PPFIA4: variants seen among roughly 807,000 people sequenced by gnomAD.
PPFIA4 encodes PPFI scaffold protein A4, also known as liprin-alpha-4.
Under a neutral mutation model 145.7 loss-of-function variants are expected in PPFIA4, and 98 were observed. That is an observed-to-expected ratio of 0.67 (90% CI 0.57 to 0.80). The LOEUF is 0.80. Among genes scored for constraint, PPFIA4 ranks in the 30% least tolerant of loss-of-function variants. The pLI is 0.00. For missense variants in PPFIA4, 1,457 were observed against 1,632.7 expected, an observed-to-expected ratio of 0.89 and a Z score of 1.85; for synonymous variants, 628 against 649.6, an observed-to-expected ratio of 0.97 and a Z score of 0.51.
In PPFIA4 at chr1:203,044,718, C is replaced by G; in HGVS notation, c.599C>G (p.Ala200Gly). Residue 200 changes from alanine (A) to glycine (G), a missense_variant, in exon 6 of 30, where the codon GCA becomes GGA. Physicochemically the swap from Ala to Gly is moderately conservative, Grantham distance 60. Around this residue, in one of 3 missense-constraint regions of PPFIA4, gnomAD observed 463 missense variants for 459.8 expected, o/e 1.01. Transcript: ENST00000295706. ...CAGGTGTCTGCCCTGCAGCAGGGGG[C>G]AGGGGTGCGGGATGGAGCGGCAGAA... ...HQQVSALQQG[A>G]GVRDGAAEEE... is the part of the protein sequence containing the mutation. The G allele has an allele frequency of 6.4e-7, 1 of 1,560,260 alleles. No homozygotes were observed. Among genetic ancestry groups the G allele is most frequent in the Non-Finnish European group, 8.7e-7 (1 of 1,152,380 alleles).
chr1:203,037,349 G>A (rs115591366), intron 1 of PPFIA4: 1,873 of 160,430 alleles, frequency 0.012, 32 homozygotes, highest in African/African-American at 0.043. Flanking sequence ...TTCTCACCCC[G>A]AGGGTAGACA....
At chr1:203,074,212 T>C (rs1662366065) in intron 28 of PPFIA4, among the ~76,000 whole-genome samples, 1 of 152,178 alleles carries the variant, frequency 6.6e-6, no homozygotes. Flanking sequence ...GGCAATTTGA[T>C]CACTGTGTGA....
intron 29 of PPFIA4, 74 bp from the exon 30 acceptor site, chr1:203,076,267 C>T: frequency 1.3e-6 from 2 of 1,497,452 alleles, no homozygotes; most frequent in African/African-American, 2.7e-5. Flanking sequence ...CTGTCGCACA[C>T]ATCCTACAAC....
Position 203,039,135 on chromosome 1 carries a change from T to C in PPFIA4, c.127T>C (p.Ser43Pro). ...GGACGAGCGGGAGAAGTTGCTGGAG[T>C]CTCTTCGGGAGAGTCAGGAGACCTT... ...MLDEREKLLE[S>P]LRESQETLAA... is the part of the protein sequence containing the mutation. The change falls in exon 2 of 30, where the codon TCT (serine) becomes CCT (proline). Residue 43 changes from serine (S) to proline (P), a missense_variant. By Grantham distance (74) the Ser-to-Pro change is moderately conservative. This residue lies in a region of PPFIA4 where 463 missense variants were observed against 459.8 expected (regional missense o/e 1.01). Transcript: ENST00000295706. The C allele has an allele frequency of 6.2e-7, 1 of 1,607,398 alleles. No homozygotes were observed. The highest frequency in any genetic ancestry group is 8.5e-7 in the Non-Finnish European group (1 of 1,177,426).
At chr1:203,054,039 G>C (rs997176960) in intron 15 of PPFIA4, 78 bp downstream of exon 15, 1 of 1,471,994 alleles carries the variant, frequency 6.8e-7, no homozygotes, top group Non-Finnish European at 9.2e-7. Context: ...CCCTATATGG[G>C]TTTGCCCAAC....
chr1:203,029,365 G>C (rs1006052086), intron 1 of PPFIA4, among the ~76,000 whole-genome samples: 3 of 152,224 alleles, frequency 2.0e-5, no homozygotes, highest in African/African-American at 7.2e-5. Context: ...TTCTGAGAGA[G>C]TTGGAGGAGA....
intron 1 of PPFIA4, among the ~76,000 whole-genome samples, chr1:203,030,386 G>T (rs938515168): frequency 2.0e-5 from 3 of 152,200 alleles, no homozygotes; most frequent in Non-Finnish European, 4.4e-5. Context: ...AGTGGGGCCG[G>T]GCCTGGAGCT....
At chr1:203,039,592 C>A (rs78528521) in intron 2 of PPFIA4, among the ~76,000 whole-genome samples, 3,560 of 152,256 alleles carry the variant, frequency 0.023, 136 homozygotes, top group African/African-American at 0.082. Flanking sequence ...GAATCACAGA[C>A]AGTAGAGATG....
At position 203,048,385 on chromosome 1, in the gene PPFIA4, G is replaced by A; in HGVS notation, c.1224+75G>A. The A allele has an allele frequency of 1.3e-6, 2 of 1,543,818 alleles. No homozygotes were observed. Among genetic ancestry groups the A allele is most frequent in the Non-Finnish European group, 1.8e-6 (2 of 1,133,198 alleles). On this transcript the variant is annotated intron_variant, in intron 10 of 29. Transcript: ENST00000295706. This position sits in a 1 kb window ranked among gnomAD's most constrained non-coding sequence, Gnocchi z 5.8. The stretch of plus-strand genomic sequence containing the variant: ...GCTCCCAGGGCGGTCTGTGGAAGGG[G>A]CACGGAGGAAGGGCCTGGCCAGGGA...
At chr1:203,038,071 T>C (rs2102619378) in intron 1 of PPFIA4, among the ~76,000 whole-genome samples, 1 of 152,336 alleles carries the variant, frequency 6.6e-6, no homozygotes, top group East Asian at 1.9e-4. Context: ...TTAGCCATGT[T>C]GTGCCAGTAT....
chr1:203,056,726 T>C (rs898099579), intron 18 of PPFIA4, 58 bp from the exon 19 acceptor site: 42 of 1,423,856 alleles, frequency 2.9e-5, no homozygotes, highest in East Asian at 2.0e-4. Flanking sequence ...CCATCTTTCC[T>C]GCTGTCACTT....
chr1:203,058,063 T>C (rs1661096844), intron 19 of PPFIA4, among the ~76,000 whole-genome samples: 1 of 152,176 alleles, frequency 6.6e-6, no homozygotes, highest in Non-Finnish European at 1.5e-5. Context: ...AGAGTTCCCC[T>C]GAGGCAGTGG....
Position 203,045,855 on chromosome 1 carries a change from G to A in PPFIA4, c.873G>A (p.Lys291=), listed in dbSNP as rs777101311. 8 of 1,612,764 alleles carry A rather than the reference G, an allele frequency of 5.0e-6. No individual in the cohort carries two copies. In the African/African-American group the frequency reaches 9.3e-5, roughly 19 times the overall value. Residue 291 remains lysine (K), a synonymous_variant, in exon 8 of 30, where the codon AAG becomes AAA. Transcript: ENST00000295706. ...TCTTCTCCCAGGCTCTGGCCCAGAA[G>A]GAGGACATGGAAGAGCGGATTACTA... ...QRDLREALAQ[K]EDMEERITTL... is the part of the protein sequence containing the mutation.
intron 1 of PPFIA4, among the ~76,000 whole-genome samples, chr1:203,029,862 A>G (rs1322936276): frequency 6.6e-6 from 1 of 152,252 alleles, no homozygotes. Context: ...ATTCTATATT[A>G]TGTAAATAGA....
At position 203,046,463 on chromosome 1, in the gene PPFIA4, G is replaced by A. The variant is rs535424170; in HGVS notation, c.1140+81G>A. 5.7e-5 allele frequency: 84 copies of A among 1,467,900 alleles called. 1 individual carries two copies. The East Asian group carries it at 1.7e-3, about 29-fold the overall frequency. 90.9% of individuals were successfully genotyped at this position (1,467,900 alleles called of 1,614,324 possible). On this transcript the variant is annotated intron_variant, in intron 9 of 29. Coordinates refer to ENST00000295706, the MANE Select transcript of PPFIA4 (RefSeq NM_001304331.2). ...GGGAGCCAGGCAGGGAAGGGAGCGC[G>A]TGGGAGGCGCACTGGGCCAGGAGCC...
chr1:203,051,988 C>CCG (rs3830381), intron 14 of PPFIA4, 111 bp downstream of exon 14: 1 of 1,201,760 alleles, frequency 8.3e-7, no homozygotes, highest in Non-Finnish European at 1.2e-6. Context: ...CCTTCCCTCC[C>CCG]GTGTCAATGA....
chr1:203,044,234 C>A, intron 4 of PPFIA4, 139 bp downstream of exon 4: 1 of 1,172,754 alleles, frequency 8.5e-7, no homozygotes, highest in African/African-American at 1.5e-5. Context: ...CAAGGTCCTC[C>A]TGTTAGGCTC....
chr1:203,042,961 A>G (rs577892858), intron 2 of PPFIA4, among the ~76,000 whole-genome samples: 10 of 152,174 alleles, frequency 6.6e-5, no homozygotes, highest in Non-Finnish European at 8.8e-5. Flanking sequence ...TTTCATATCC[A>G]TCAGTTTCTG....
In PPFIA4 at chr1:203,059,191, C is replaced by T; in HGVS notation, c.2421C>T (p.Asp807=). ...DGATGHVLLT[D]SEFSMQEPMV... ...CTTTCCTTGTAGTTCTGCTAACAGA[C>T]TCCGAATTCAGTATGCAGGAGCCTA... The change falls in exon 20 of 30, where the codon GAC becomes GAT. Residue 807 remains aspartate, a synonymous_variant. Coordinates refer to ENST00000295706, the MANE Select transcript of PPFIA4 (RefSeq NM_001304331.2). 6.5e-7 allele frequency: 1 copy of T among 1,531,566 alleles called. No individual in the cohort carries two copies. The highest frequency in any genetic ancestry group is 8.9e-7 in the Non-Finnish European group (1 of 1,122,404). 94.9% of individuals were successfully genotyped at this position (1,531,566 alleles called of 1,614,324 possible).
Sources: allele counts gnomAD v4.1 joint callset (sites outside exome capture counted in the v4.1 genomes callset), GRCh38; gene constraint gnomAD v4.1.1; regional missense constraint gnomAD v4.1.1; non-coding constraint Gnocchi (gnomAD v3.1); transcripts MANE v1.5; gene names NCBI Gene and HGNC (gene_info 2026-07-23, HGNC 2026-07-21).